Variants in CLCN6 observed in about 807,000 individuals in gnomAD.
CLCN6 encodes Cl-/H+ antiporter 6.
A neutral mutation model predicts 109.8 loss-of-function variants in CLCN6; 70 were observed. That is an observed-to-expected ratio of 0.64 (90% CI 0.53 to 0.78). The LOEUF is 0.78. Among genes scored for constraint, CLCN6 ranks in the 30% least tolerant of loss-of-function variants. CLCN6 has a pLI of 0.00. For missense variants in CLCN6, 984 were observed against 1,142.3 expected, an observed-to-expected ratio of 0.86 and a Z score of 2.00; for synonymous variants, 444 against 447.8, an observed-to-expected ratio of 0.99 and a Z score of 0.11.
intron 13 of CLCN6, among the ~76,000 whole-genome samples, chr1:11,833,020 C>CT (rs34913289): frequency 0.4 from 58,587 of 144,976 alleles, 11,826 homozygotes; most frequent in Middle Eastern, 0.51. Context: ...AATTCAGGTG[C>CT]TTTTTTTTTT....
At chr1:11,806,742 A>G (rs769846508) in intron 1 of CLCN6, 1 of 350,456 alleles carries the variant, frequency 2.9e-6, no homozygotes, top group South Asian at 5.4e-5. Flanking sequence ...GGTCACTGAC[A>G]GTCCAGCTTC....
intron 13 of CLCN6, 132 bp downstream of exon 13, chr1:11,829,454 GATATGGGA>G: frequency 9.3e-7 from 1 of 1,069,910 alleles, no homozygotes; most frequent in South Asian, 1.5e-5. Context: ...AGCGTTGAGA[GATATGGGA>G]ATCTGTAGTC....
rs1414500864 is a variant in CLCN6, at chr1:11,821,285, C to T, written c.347-1410C>T. ...CCAGAATACAGGAAGAGGCTGGGCG[C>T]GGTGGCTGACGCCTGTAATCCCAGC... is the stretch of plus-strand genomic sequence containing the variant. On this transcript the variant is annotated intron_variant, in intron 5 of 22. Coordinates refer to ENST00000346436, the MANE Select transcript of CLCN6 (RefSeq NM_001286.5). Among the ~76,000 whole-genome samples the T allele has an allele frequency of 3.9e-5, 6 of 152,170 alleles. No individual in the cohort carries two copies. The East Asian group carries it at 9.7e-4, about 25-fold the overall frequency.
At chr1:11,832,426 G>T (rs1367846341) in intron 13 of CLCN6, among the ~76,000 whole-genome samples, 1 of 152,232 alleles carries the variant, frequency 6.6e-6, no homozygotes, top group Non-Finnish European at 1.5e-5. Flanking sequence ...CCTCCAGACA[G>T]TTTGGGAAAC....
chr1:11,824,437 G>C, intron 7 of CLCN6, 49 bp from the exon 8 acceptor site: 1 of 1,498,214 alleles, frequency 6.7e-7, no homozygotes, highest in Non-Finnish European at 9.2e-7. Flanking sequence ...TCCTGACCCA[G>C]GGGCGTTTCT....
At position 11,815,836 on chromosome 1, in the gene CLCN6, C is replaced by G. The variant is rs750352468; in HGVS notation, c.148-10C>G. ...ACATGACCTTTTGACTCAACTTTGC[C>G]TCTTTTCAGAGTTTGGATTATGATC... is the stretch of plus-strand genomic sequence containing the variant. On this transcript the variant is annotated splice_polypyrimidine_tract_variant and intron_variant, in intron 2 of 22. Coordinates refer to ENST00000346436, the MANE Select transcript of CLCN6 (RefSeq NM_001286.5). 4 of 1,612,514 alleles carry G rather than the reference C, an allele frequency of 2.5e-6. No homozygotes were observed. Among genetic ancestry groups the G allele is most frequent in the South Asian group, 1.1e-5 (1 of 90,900 alleles).
intron 22 of CLCN6, 195 bp downstream of exon 22, chr1:11,838,855 C>G: frequency 1.3e-6 from 1 of 789,322 alleles, no homozygotes. Context: ...CAGATGGCAC[C>G]AGCGTCCCAC....
chr1:11,829,448 T>C (rs908258674), intron 13 of CLCN6, 126 bp downstream of exon 13: 5 of 1,118,002 alleles, frequency 4.5e-6, no homozygotes, highest in Middle Eastern at 2.7e-4. Flanking sequence ...TACCTGAGCG[T>C]TGAGAGATAT....
Position 11,840,436 on chromosome 1 carries a change from G to T in CLCN6, c.*213G>T. Reference sequence around the variant, plus strand: ...GGACTTTTCTGACTTCCCCAGCAAGGATCTTCCCACTTCCTGCTCCCTGTG... The same window carrying T: ...GGACTTTTCTGACTTCCCCAGCAAGTATCTTCCCACTTCCTGCTCCCTGTG... On this transcript the variant is annotated 3_prime_UTR_variant, in exon 23 of 23. Coordinates refer to ENST00000346436, the MANE Select transcript of CLCN6 (RefSeq NM_001286.5). 1 of 603,166 alleles carries T rather than the reference G, an allele frequency of 1.7e-6. No individual in the cohort carries two copies. Among genetic ancestry groups the T allele is most frequent in the Non-Finnish European group, 3.0e-6 (1 of 334,584 alleles). The allele number at this position is 603,166 out of a possible 1,614,324, so 37.4% of individuals were successfully genotyped here. A position where few individuals can be genotyped will look rare whatever the true frequency, so the allele number is the denominator to read the frequency against.
rs759311450 is a variant in CLCN6, at chr1:11,806,223, G to A, written c.-40G>A. The A allele has an allele frequency of 1.2e-5, 17 of 1,399,382 alleles. No individual in the cohort carries two copies. Among genetic ancestry groups the A allele is most frequent in the African/African-American group, 1.5e-5 (1 of 66,846 alleles). 86.7% of individuals were successfully genotyped at this position (1,399,382 alleles called of 1,614,324 possible). ...TGAGGCGCAGATCCTGGCTGGGAGG[G>A]GGTTGGTAGAGGGGTCCAGAGTGGC... is the stretch of plus-strand genomic sequence containing the variant. On this transcript the variant is annotated 5_prime_UTR_variant, in exon 1 of 23. Transcript: ENST00000346436.
intron 17 of CLCN6, among the ~76,000 whole-genome samples, chr1:11,835,113 G>C (rs1434067868): frequency 6.6e-6 from 1 of 152,196 alleles, no homozygotes. Context: ...GGCCAGACAG[G>C]AGTTTATTTT....
Position 11,834,734 on chromosome 1 carries a change from A to T in CLCN6, c.1793+144A>T. 1.3e-6 allele frequency: 1 copy of T among 754,610 alleles called. No homozygotes were observed. Among genetic ancestry groups the T allele is most frequent in the Non-Finnish European group, 2.2e-6 (1 of 458,880 alleles). 46.7% of individuals were successfully genotyped at this position (754,610 alleles called of 1,614,324 possible). ...ACACCCATTCCTGAGCATGTGTGAGAATGTGGAGCAGCCCATGGGCTGGGG... is the reference window on the plus strand; with the variant it reads ...ACACCCATTCCTGAGCATGTGTGAGTATGTGGAGCAGCCCATGGGCTGGGG... On this transcript the variant is annotated intron_variant, in intron 17 of 22. Transcript: ENST00000346436. This position sits in a 1 kb window ranked among gnomAD's most constrained non-coding sequence, Gnocchi z 4.5.
In CLCN6 at chr1:11,840,191, G is replaced by T. The variant is rs778800048; in HGVS notation, c.2578G>T (p.Ala860Ser). 6.2e-7 allele frequency: 1 copy of T among 1,613,462 alleles called. No individual in the cohort carries two copies. Residue 860 changes from alanine (A) to serine (S), a missense_variant, in exon 23 of 23, where the codon GCC (alanine) becomes TCC (serine). By Grantham distance (99) the Ala-to-Ser change is moderately conservative. Transcript: ENST00000346436. ...CAACCTCACCTATGAATTTCTGCAG[G>T]CCCGGCTGAGGCAGCACTACCAGAC... ...RHNLTYEFLQ[A>S]RLRQHYQTI
chr1:11,811,202 C>T (rs1352556067), intron 2 of CLCN6, among the ~76,000 whole-genome samples: 2 of 151,650 alleles, frequency 1.3e-5, no homozygotes, highest in South Asian at 4.2e-4. Flanking sequence ...CAGAGCGAGA[C>T]CCTGACAAAA....
In CLCN6 at chr1:11,838,632, A is replaced by G; in HGVS notation, c.2501A>G (p.His834Arg). ...CTGTTCAGAACGATGGGCCTGCGCCACCTGCCCGTGGTGAACGCTGTGGGA... is the reference window on the plus strand; with the variant it reads ...CTGTTCAGAACGATGGGCCTGCGCCGCCTGCCCGTGGTGAACGCTGTGGGA... ...FNLFRTMGLRHLPVVNAVGEI... is the reference protein window; with the variant it reads ...FNLFRTMGLRRLPVVNAVGEI... Residue 834 changes from histidine to arginine, a missense_variant, in exon 22 of 23, where the codon CAC becomes CGC. By Grantham distance (29) the His-to-Arg change is conservative. Coordinates refer to ENST00000346436, the MANE Select transcript of CLCN6 (RefSeq NM_001286.5). 1.2e-6 allele frequency: 2 copies of G among 1,614,074 alleles called. No individual in the cohort carries two copies. The highest frequency in any genetic ancestry group is 2.2e-5 in the South Asian group (2 of 91,068).
At chr1:11,824,823 A>G (rs78651269) in intron 8 of CLCN6, among the ~76,000 whole-genome samples, 1,770 of 152,316 alleles carry the variant, frequency 0.012, 24 homozygotes, top group African/African-American at 0.03. Flanking sequence ...TTCCATAGCC[A>G]TCACCAGGCG....
intron 9 of CLCN6, among the ~76,000 whole-genome samples, chr1:11,826,432 T>G (rs1274335734): frequency 6.6e-6 from 1 of 152,202 alleles, no homozygotes; most frequent in Non-Finnish European, 1.5e-5. Context: ...CCTAGAAGCA[T>G]CTCAGGCAAA....
At chr1:11,837,701 G>A (rs2075539) in intron 20 of CLCN6, among the ~76,000 whole-genome samples, 5,804 of 152,270 alleles carry the variant, frequency 0.038, 190 homozygotes, top group East Asian at 0.12. Context: ...AAGGCCAGAA[G>A]TACAAAATCC....
In CLCN6 at chr1:11,840,170, C is replaced by G; in HGVS notation, c.2557C>G (p.Leu853Val). ...CGTGGGGATCATCACACGGCACAAC[C>G]TCACCTATGAATTTCTGCAGGCCCG... Reference protein sequence around the residue: ...EIVGIITRHNLTYEFLQARLR... With the variant: ...EIVGIITRHNVTYEFLQARLR... Residue 853 changes from leucine to valine, a missense_variant, in exon 23 of 23, where the codon CTC (leucine) becomes GTC (valine). Coordinates refer to ENST00000346436, the MANE Select transcript of CLCN6 (RefSeq NM_001286.5). The G allele has an allele frequency of 6.2e-7, 1 of 1,613,968 alleles. No individual in the cohort carries two copies. The highest frequency in any genetic ancestry group is 8.5e-7 in the Non-Finnish European group (1 of 1,180,026).
Sources: allele counts gnomAD v4.1 joint callset (sites outside exome capture counted in the v4.1 genomes callset), GRCh38; gene constraint gnomAD v4.1.1; non-coding constraint Gnocchi (gnomAD v3.1); transcripts MANE v1.5; gene names NCBI Gene and HGNC (gene_info 2026-07-23, HGNC 2026-07-21).